The following FRYL variants were observed in gnomAD, a reference collection of about 807,000 sequenced individuals.
The protein encoded by FRYL is protein furry homolog-like.
Under a neutral mutation model 351.2 loss-of-function variants are expected in FRYL, and 150 were observed. The ratio of observed to expected loss-of-function variants is 0.43; its 90% CI spans 0.37 to 0.49. The LOEUF (loss-of-function observed/expected upper bound fraction) is 0.49. Among genes scored for constraint, FRYL ranks in the 20% least tolerant of loss-of-function variants. The pLI is 0.00. For missense variants in FRYL, 3,036 were observed against 3,619.3 expected, an observed-to-expected ratio of 0.84 and a Z score of 4.13; for synonymous variants, 1,153 against 1,257.1, an observed-to-expected ratio of 0.92 and a Z score of 1.75.
chr4:48,674,089 G>A (rs1465218538), intron 3 of FRYL, among the ~76,000 whole-genome samples: 1 of 151,936 alleles, frequency 6.6e-6, no homozygotes, highest in East Asian at 1.9e-4. Context: ...TATATTTTTT[G>A]TTACATTAAC....
chr4:48,669,615 T>C (rs1446523094), intron 3 of FRYL, among the ~76,000 whole-genome samples: 3 of 148,654 alleles, frequency 2.0e-5, no homozygotes, highest in African/African-American at 7.3e-5. Context: ...ATATATATAA[T>C]TTTTATTACA....
Position 48,540,849 on chromosome 4 carries a change from A to G in FRYL, c.5799T>C (p.Tyr1933=). The change falls in exon 46 of 64, where the codon TAT becomes TAC. Residue 1933 remains tyrosine (Y), a synonymous_variant. Transcript: ENST00000358350. ...SPINSSSYLG[Y]NSNARSNSLR... ...AAGAGTTACTTCTTGCATTACTGTTATATCCCAAATAACTGCTACTATTAA... is the reference window on the plus strand; with the variant it reads ...AAGAGTTACTTCTTGCATTACTGTTGTATCCCAAATAACTGCTACTATTAA... The G allele has an allele frequency of 1.2e-6, 2 of 1,614,020 alleles. No homozygotes were observed. The highest frequency in any genetic ancestry group is 1.7e-6 in the Non-Finnish European group (2 of 1,179,938).
At chr4:48,713,058 C>T (rs1177985290) in intron 1 of FRYL, among the ~76,000 whole-genome samples, 2 of 151,952 alleles carry the variant, frequency 1.3e-5, no homozygotes, top group Non-Finnish European at 2.9e-5. Context: ...CAGGCCTGCC[C>T]TAGAAGAGCT....
intron 35 of FRYL, among the ~76,000 whole-genome samples, chr4:48,555,601 G>T (rs1386252278): frequency 1.3e-5 from 2 of 152,202 alleles, no homozygotes; most frequent in Non-Finnish European, 2.9e-5. Context: ...GAGTGTGAGG[G>T]CCCCGAGGAG....
chr4:48,539,872 G>A, intron 47 of FRYL, 99 bp downstream of exon 47: 2 of 819,024 alleles, frequency 2.4e-6, no homozygotes, highest in Non-Finnish European at 1.9e-6. Flanking sequence ...CATATGGGAA[G>A]TGACAATAAA....
At chr4:48,513,145 TATATG>T (rs1722832065) in intron 56 of FRYL, among the ~76,000 whole-genome samples, 1 of 152,182 alleles carries the variant, frequency 6.6e-6, no homozygotes, top group South Asian at 2.1e-4. Context: ...TCTTCACAAC[TATATG>T]AGGATTAGGT....
intron 1 of FRYL, among the ~76,000 whole-genome samples, chr4:48,720,626 T>C (rs1417397875): frequency 3.9e-5 from 6 of 152,200 alleles, no homozygotes; most frequent in African/African-American, 1.4e-4. Flanking sequence ...AAACTGAAAC[T>C]CTATACCCAT....
At chr4:48,533,283 G>T (rs1426534791) in intron 49 of FRYL, among the ~76,000 whole-genome samples, 1 of 151,352 alleles carries the variant, frequency 6.6e-6, no homozygotes, top group African/African-American at 2.4e-5. Context: ...TTTTTTTAAG[G>T]CTTAAGAAGA....
At chr4:48,708,088 G>A (rs1767576049) in intron 2 of FRYL, among the ~76,000 whole-genome samples, 1 of 151,758 alleles carries the variant, frequency 6.6e-6, no homozygotes, top group African/African-American at 2.4e-5. Context: ...CCAAAGTGCT[G>A]GGATTACAGG....
intron 45 of FRYL, among the ~76,000 whole-genome samples, 199 bp downstream of exon 45, chr4:48,541,825 TAGA>T (rs548073552): frequency 1.2e-4 from 18 of 152,292 alleles, no homozygotes; most frequent in African/African-American, 2.2e-4. Flanking sequence ...ACCAGCACAT[TAGA>T]AGAAGAACAG....
intron 3 of FRYL, among the ~76,000 whole-genome samples, chr4:48,678,800 T>C (rs1239142147): frequency 1.3e-5 from 2 of 152,132 alleles, no homozygotes; most frequent in Non-Finnish European, 1.5e-5. Context: ...TTATGCTTTA[T>C]TTTGATCTTG....
intron 59 of FRYL, among the ~76,000 whole-genome samples, chr4:48,507,876 C>G (rs1267276609): frequency 1.3e-5 from 2 of 152,166 alleles, no homozygotes; most frequent in Non-Finnish European, 2.9e-5. Flanking sequence ...CAAAACCACA[C>G]AGCAGCCCCT....
Position 48,557,708 on chromosome 4 carries a change from T to G in FRYL, c.3870A>C (p.Ile1290=). 6.2e-7 allele frequency: 1 copy of G among 1,613,046 alleles called. No individual in the cohort carries two copies. The highest frequency in any genetic ancestry group is 8.5e-7 in the Non-Finnish European group (1 of 1,179,068). ...GGTGAGCTGTCTGGATTCTCTGGCT[T>G]ATCTCTGAAATTGAAAACAAGTCAA... ...PELTLAIFSE[I]SQRIQTAHPA... Residue 1290 remains isoleucine (I), a synonymous_variant, in exon 34 of 64, where the codon ATA becomes ATC. Transcript: ENST00000358350.
intron 48 of FRYL, 24 bp from the exon 49 acceptor site, chr4:48,534,709 A>C: frequency 7.1e-7 from 1 of 1,401,946 alleles, no homozygotes; most frequent in Non-Finnish European, 9.9e-7. Flanking sequence ...TAAAAGTAAT[A>C]TTAAAGTATA....
rs1407037363 is a variant in FRYL, at chr4:48,540,424, A to G, written c.6224T>C (p.Met2075Thr). ...KGFTSASTQEMTVHLLSKLIS... is the reference protein window; with the variant it reads ...KGFTSASTQETTVHLLSKLIS... Reference sequence around the variant, plus strand: ...GAGTTTACTGAGGAGGTGCACGGTCATTTCTTGTGTAGATGCTGAGGTAAA... The same window carrying G: ...GAGTTTACTGAGGAGGTGCACGGTCGTTTCTTGTGTAGATGCTGAGGTAAA... The change falls in exon 46 of 64, where the codon ATG becomes ACG. Residue 2075 changes from methionine (M) to threonine (T), a missense_variant. Transcript: ENST00000358350. 1 of 1,614,036 alleles carries G rather than the reference A, an allele frequency of 6.2e-7. No individual in the cohort carries two copies. The highest frequency in any genetic ancestry group is 1.7e-5 in the Admixed American group (1 of 60,008).
chr4:48,638,043 G>A (rs1014144708), intron 3 of FRYL: 1 of 151,930 alleles, frequency 6.6e-6, no homozygotes. Flanking sequence ...AACAATTGGG[G>A]TATTTCAAAA....
intron 1 of FRYL, among the ~76,000 whole-genome samples, chr4:48,753,933 T>A (rs1773507580): frequency 6.6e-6 from 1 of 152,124 alleles, no homozygotes; most frequent in East Asian, 1.9e-4. Context: ...CCAAAAAAAA[T>A]GTTTAGTTAA....
intron 56 of FRYL, among the ~76,000 whole-genome samples, chr4:48,514,355 C>CT (rs1723106116): frequency 6.6e-6 from 1 of 151,942 alleles, no homozygotes; most frequent in South Asian, 2.1e-4. Context: ...TATTATAATT[C>CT]TAAGTGTTAA....
chr4:48,772,501 T>C (rs1775614555), intron 1 of FRYL, among the ~76,000 whole-genome samples: 1 of 152,158 alleles, frequency 6.6e-6, no homozygotes, highest in African/African-American at 2.4e-5. Flanking sequence ...CACAGGAATG[T>C]ACATTTATTA....
Sources: gnomAD v4.1 joint callset for allele counts (sites outside exome capture counted in the v4.1 genomes callset) on GRCh38, gnomAD v4.1.1 for gene constraint, MANE v1.5 for transcripts, NCBI Gene and HGNC (gene_info 2026-07-23, HGNC 2026-07-21) for gene names.